The following KCNH1 variants were observed in gnomAD, a reference collection of about 807,000 sequenced individuals.
KCNH1 encodes voltage-gated delayed rectifier potassium channel KCNH1.
Under a neutral mutation model 69.2 loss-of-function variants are expected in KCNH1, and 27 were observed. The ratio of observed to expected loss-of-function variants is 0.39; its 90% CI spans 0.29 to 0.54. The LOEUF is 0.54. Ranked by LOEUF, KCNH1 falls within the 20% of genes least tolerant of loss-of-function variation. The pLI, the probability that KCNH1 is intolerant of heterozygous loss-of-function variation, is 0.68. For missense variants in KCNH1, 798 were observed against 1,261.6 expected (o/e 0.63, Z 5.57); for synonymous variants, 456 against 487.7 (o/e 0.93, Z 0.86).
At chr1:210,978,282 C>A (rs193216630) in intron 6 of KCNH1, among the ~76,000 whole-genome samples, 311 of 152,310 alleles carry the variant, frequency 2.0e-3, no homozygotes, top group African/African-American at 7.0e-3. Flanking sequence ...TCGTGATCTG[C>A]CTGCCTCGGC....
intron 6 of KCNH1, among the ~76,000 whole-genome samples, chr1:210,979,698 T>G (rs1416128259): frequency 2.6e-5 from 4 of 152,192 alleles, no homozygotes; most frequent in Non-Finnish European, 5.9e-5. Context: ...TGTTTTCTGG[T>G]CTTTGAAGCC....
At chr1:210,967,480 G>A (rs184699664) in intron 6 of KCNH1, among the ~76,000 whole-genome samples, 1 of 151,796 alleles carries the variant, frequency 6.6e-6, no homozygotes, top group Non-Finnish European at 1.5e-5. Flanking sequence ...TTGTTTACAT[G>A]TGATATGAGG....
At chr1:210,686,926 G>T (rs116365991) in intron 10 of KCNH1, among the ~76,000 whole-genome samples, 1,751 of 152,262 alleles carry the variant, frequency 0.011, 41 homozygotes, top group African/African-American at 0.039. Flanking sequence ...TGTTTGAAGT[G>T]CCTGGTACCT....
chr1:210,713,398 A>G (rs1682126546), intron 10 of KCNH1, among the ~76,000 whole-genome samples: 1 of 152,184 alleles, frequency 6.6e-6, no homozygotes, highest in Admixed American at 6.5e-5. Flanking sequence ...CTGAAGATGC[A>G]GTTCTGCTCT....
chr1:211,005,765 C>T (rs1051661004), intron 6 of KCNH1, among the ~76,000 whole-genome samples: 4 of 152,006 alleles, frequency 2.6e-5, no homozygotes, highest in Admixed American at 1.3e-4. Flanking sequence ...AGAACTTTTG[C>T]TCATCAAAAT....
chr1:210,752,166 G>T (rs1256810918), intron 10 of KCNH1, among the ~76,000 whole-genome samples: 1 of 152,186 alleles, frequency 6.6e-6, no homozygotes, highest in Non-Finnish European at 1.5e-5. Flanking sequence ...GAAGATCCCT[G>T]GGTCTGGATT....
chr1:211,046,056 C>T (rs989049252), intron 5 of KCNH1, among the ~76,000 whole-genome samples: 9 of 152,136 alleles, frequency 5.9e-5, no homozygotes, highest in African/African-American at 1.4e-4. Flanking sequence ...TAGTGTTATA[C>T]ACCCTATTTC....
At chr1:210,905,021 C>A (rs953541181) in intron 7 of KCNH1, among the ~76,000 whole-genome samples, 4 of 152,142 alleles carry the variant, frequency 2.6e-5, no homozygotes, top group African/African-American at 9.7e-5. Context: ...CTCATGACTC[C>A]CCACACCATC....
At position 211,106,357 on chromosome 1, in the gene KCNH1, G is replaced by A. The variant is rs557329738; in HGVS notation, c.203+897C>T. Among the ~76,000 whole-genome samples the A allele has an allele frequency of 2.6e-5, 4 of 152,304 alleles. No homozygotes were observed. In the South Asian group the frequency reaches 8.3e-4, roughly 32 times the overall value. On this transcript the variant is annotated intron_variant, in intron 2 of 10. Coordinates refer to ENST00000271751, the MANE Select transcript of KCNH1 (RefSeq NM_172362.3). ...ACACCACGGCCCAAGGACACTGCTT[G>A]GTTAGAAACCCTGTAAAAATATACC...
At chr1:210,728,417 G>A (rs1017834006) in intron 10 of KCNH1, among the ~76,000 whole-genome samples, 14 of 152,174 alleles carry the variant, frequency 9.2e-5, no homozygotes, top group Non-Finnish European at 1.5e-4. Context: ...GTGATAAAAA[G>A]GATGGAGTAA....
At chr1:210,766,018 G>A (rs951071106) in intron 10 of KCNH1, among the ~76,000 whole-genome samples, 5 of 152,084 alleles carry the variant, frequency 3.3e-5, no homozygotes, top group Admixed American at 6.5e-5. Flanking sequence ...AGCCGAGATC[G>A]CGCCACTGCA....
At chr1:210,772,198 T>C (rs771483908) in intron 10 of KCNH1, among the ~76,000 whole-genome samples, 40 of 152,280 alleles carry the variant, frequency 2.6e-4, no homozygotes, top group East Asian at 1.4e-3. Context: ...AGAGAAGAGA[T>C]TGAACGGTTA....
chr1:211,060,790 T>C (rs954793882), intron 5 of KCNH1, among the ~76,000 whole-genome samples: 7 of 152,048 alleles, frequency 4.6e-5, no homozygotes, highest in African/African-American at 1.7e-4. Flanking sequence ...ACAGACCAGT[T>C]ACAAGTAATG....
chr1:210,972,749 G>A (rs778614785), intron 6 of KCNH1, among the ~76,000 whole-genome samples: 1 of 151,984 alleles, frequency 6.6e-6, no homozygotes, highest in Non-Finnish European at 1.5e-5. Flanking sequence ...TCAGAGGAGG[G>A]CTAGAATGCA....
At chr1:211,113,769 A>T (rs1234399803) in intron 1 of KCNH1, among the ~76,000 whole-genome samples, 1 of 151,808 alleles carries the variant, frequency 6.6e-6, no homozygotes, top group Non-Finnish European at 1.5e-5. Context: ...TTGAATAAGC[A>T]GATGGTTATC....
chr1:210,902,120 G>A (rs1687008454), intron 7 of KCNH1, among the ~76,000 whole-genome samples: 1 of 152,138 alleles, frequency 6.6e-6, no homozygotes, highest in Non-Finnish European at 1.5e-5. Flanking sequence ...GTCAACCAAT[G>A]AGGGGAGGGA....
chr1:210,942,931 TG>T (rs1687898979), intron 6 of KCNH1, among the ~76,000 whole-genome samples: 1 of 152,356 alleles, frequency 6.6e-6, no homozygotes, highest in African/African-American at 2.4e-5. Context: ...AGTTTATTTT[TG>T]TGGAAAAGTT....
At chr1:210,878,676 A>G (rs1686432689) in intron 7 of KCNH1, among the ~76,000 whole-genome samples, 1 of 152,124 alleles carries the variant, frequency 6.6e-6, no homozygotes, top group African/African-American at 2.4e-5. Context: ...CCTATATTAG[A>G]AAAGAAGAAA....
chr1:210,696,271 C>G (rs779064011), intron 10 of KCNH1, among the ~76,000 whole-genome samples: 60 of 152,198 alleles, frequency 3.9e-4, no homozygotes, highest in Non-Finnish European at 6.9e-4. Context: ...AGGGCCCCTC[C>G]TCCAGCCTCC....
Sources: allele counts gnomAD v4.1 joint callset (sites outside exome capture counted in the v4.1 genomes callset), GRCh38; gene constraint gnomAD v4.1.1; transcripts MANE v1.5; gene names NCBI Gene and HGNC (gene_info 2026-07-23, HGNC 2026-07-21).